Variants in PCDHGA10 observed in about 807,000 individuals in gnomAD.
PCDHGA10 encodes protocadherin gamma-A10.
PCDHGA10 carries 42 observed loss-of-function variants against 59.5 expected under a neutral mutation model. The observed-to-expected ratio is 0.71, with a 90% CI of 0.55 to 0.91. PCDHGA10 has a LOEUF of 0.91. Ranked by LOEUF, PCDHGA10 falls within the 40% of genes least tolerant of loss-of-function variation. The pLI is 0.00. For synonymous variants in PCDHGA10, 511 were observed against 517.2 expected (o/e 0.99, Z 0.16); for missense variants, 1,111 against 1,198.2 (o/e 0.93, Z 1.07).
chr5:141,447,481 A>G lies in PCDHGA10; in HGVS notation c.2436+31870A>G, dbSNP rs141192758. 3.9e-3 allele frequency among the ~76,000 whole-genome samples: 591 copies of G among 152,326 alleles called. 6 individuals carry two copies. The highest frequency in any genetic ancestry group is 0.011 in the Admixed American group (170 of 15,286). ...TTTTCTTCACCATCTGTAAAACTGC[A>G]TAGAAGGAATGTTTAGGATAAAAGA... On this transcript the variant is annotated intron_variant, in intron 1 of 3. Transcript: ENST00000398610.
intron 1 of PCDHGA10, among the ~76,000 whole-genome samples, chr5:141,447,677 A>G (rs748479750): frequency 6.6e-6 from 1 of 152,184 alleles, no homozygotes; most frequent in Non-Finnish European, 1.5e-5. Context: ...GAACTGTTCC[A>G]TATCTTGATA....
At chr5:141,424,016 T>G in intron 1 of PCDHGA10, 16 of 1,038,360 alleles carry the variant, frequency 1.5e-5, no homozygotes, top group Non-Finnish European at 1.3e-5. Context: ...AAATTAATGA[T>G]TCACAAACAC....
chr5:141,485,065 A>G lies in PCDHGA10; in HGVS notation c.2437-9742A>G, dbSNP rs527439590. On this transcript the variant is annotated intron_variant, in intron 1 of 3. Transcript: ENST00000398610. The surrounding 1 kb of genome is among the most constrained non-coding windows in gnomAD (Gnocchi z 5.7). ...TGCGGCGCCGGCCGAACCGCGCCAG[A>G]GCTGGCGCGGGGAAAGGGAGATAGG... The G allele has an allele frequency of 4.2e-5, 37 of 877,696 alleles. No individual in the cohort carries two copies. Among genetic ancestry groups the G allele is most frequent in the Non-Finnish European group, 6.5e-5 (36 of 552,826 alleles). The allele number at this position is 877,696 out of a possible 1,614,324, so 54.4% of individuals were successfully genotyped here. A position where few individuals can be genotyped will look rare whatever the true frequency, so the allele number is the denominator to read the frequency against.
chr5:141,418,773 A>G, intron 1 of PCDHGA10: 2 of 1,613,904 alleles, frequency 1.2e-6, no homozygotes, highest in Non-Finnish European at 1.7e-6. Flanking sequence ...CTAACTCAGC[A>G]GCCTTTGGAT....
At chr5:141,478,460 C>G (rs759992881) in intron 1 of PCDHGA10, 1 of 1,613,344 alleles carries the variant, frequency 6.2e-7, no homozygotes, top group East Asian at 2.2e-5. Flanking sequence ...AGCCAGTCCA[C>G]TGGCCAGCCG....
chr5:141,435,558 T>C (rs1401876733), intron 1 of PCDHGA10, among the ~76,000 whole-genome samples: 1 of 152,136 alleles, frequency 6.6e-6, no homozygotes, highest in Non-Finnish European at 1.5e-5. Flanking sequence ...TTTTGAGTGC[T>C]TTTTTTAGTA....
rs1562142740 is a variant in PCDHGA10, at chr5:141,490,958, ACT to A, written c.2437-3847_2437-3846del. 1 of 1,613,728 alleles carries A rather than the reference ACT, an allele frequency of 6.2e-7. No homozygotes were observed. Among genetic ancestry groups the A allele is most frequent in the Non-Finnish European group, 8.5e-7 (1 of 1,179,830 alleles). On this transcript the variant is annotated intron_variant, in intron 1 of 3. Transcript: ENST00000398610. The surrounding 1 kb of genome is among the most constrained non-coding windows in gnomAD (Gnocchi z 5.4). Reference sequence around the variant, plus strand: ...CTGCACCCACGGCCAGACTGGGAACACTCAGCCCCCCAGCGTCTCCCTCGCTC... The same window carrying A: ...CTGCACCCACGGCCAGACTGGGAACACAGCCCCCCAGCGTCTCCCTCGCTC...
At chr5:141,470,648 C>T (rs1188305813) in intron 1 of PCDHGA10, among the ~76,000 whole-genome samples, 1 of 152,066 alleles carries the variant, frequency 6.6e-6, no homozygotes, top group Non-Finnish European at 1.5e-5. Context: ...TTTGAAGGCC[C>T]CTACCCTTTG....
Position 141,414,557 on chromosome 5 carries a change from A to C in PCDHGA10, c.1382A>C (p.Tyr461Ser). 6.2e-7 allele frequency: 1 copy of C among 1,613,906 alleles called. No homozygotes were observed. ...CCACCTACCTTCTCTCAAGTCTCCT[A>C]CTTTACCTATATCCCAGAGAACAAC... ...DNPPTFSQVS[Y>S]FTYIPENNAR... The change falls in exon 1 of 4, where the codon TAC becomes TCC. Residue 461 changes from tyrosine (Y) to serine (S), a missense_variant. Coordinates refer to ENST00000398610, the MANE Select transcript of PCDHGA10 (RefSeq NM_018913.3).
At chr5:141,484,598 T>C (rs2099598059) in intron 1 of PCDHGA10, among the ~76,000 whole-genome samples, 1 of 152,080 alleles carries the variant, frequency 6.6e-6, no homozygotes, top group Non-Finnish European at 1.5e-5. Flanking sequence ...TCATTTAGAA[T>C]ACTGGTTGAT....
chr5:141,491,544 C>G lies in PCDHGA10; in HGVS notation c.2437-3263C>G, dbSNP rs546391464. The G allele has an allele frequency of 1.1e-5, 17 of 1,614,018 alleles. No individual in the cohort carries two copies. In the Admixed American group the frequency reaches 1.8e-4, roughly 17 times the overall value. Reference sequence around the variant, plus strand: ...TGGAGGTGACGCTGCGGCCCACAGACTCGCAGAGCCACTGCTACAGGACGT... The same window carrying G: ...TGGAGGTGACGCTGCGGCCCACAGAGTCGCAGAGCCACTGCTACAGGACGT... On this transcript the variant is annotated intron_variant, in intron 1 of 3. Transcript: ENST00000398610. The surrounding 1 kb of genome is among the most constrained non-coding windows in gnomAD (Gnocchi z 6.9).
intron 1 of PCDHGA10, chr5:141,428,180 C>G (rs780780274): frequency 1.3e-6 from 2 of 1,486,274 alleles, no homozygotes; most frequent in East Asian, 2.3e-5. Flanking sequence ...TGACGGAGGA[C>G]AGCCGCCGCT....
Position 141,415,510 on chromosome 5 carries a change from T to C in PCDHGA10, c.2335T>C (p.Tyr779His), listed in dbSNP as rs780820182. The change falls in exon 1 of 4, where the codon TAT becomes CAT. Residue 779 changes from tyrosine (Y) to histidine (H), a missense_variant. Coordinates refer to ENST00000398610, the MANE Select transcript of PCDHGA10 (RefSeq NM_018913.3). ...TCACCTGATCTTCCCCCAGCCCAAT[T>C]ATGCGGACACGCTCATCAGCCAGGA... Reference protein sequence around the residue: ...KSHLIFPQPNYADTLISQESC... With the variant: ...KSHLIFPQPNHADTLISQESC... The C allele has an allele frequency of 2.5e-6, 4 of 1,614,088 alleles. No homozygotes were observed. The African/African-American group carries it at 5.3e-5, about 22-fold the overall frequency.
chr5:141,413,227 G>T lies in PCDHGA10; in HGVS notation c.52G>T (p.Val18Phe), dbSNP rs552225139. ...SKESKDCSGLVLLCLFFGIPW... is the reference protein window; with the variant it reads ...SKESKDCSGLFLLCLFFGIPW... ...GGAATCAAAGGATTGCAGCGGGCTG[G>T]TCCTGCTCTGCCTTTTCTTCGGGAT... Residue 18 changes from valine (V) to phenylalanine (F), a missense_variant, in exon 1 of 4, where the codon GTC (valine) becomes TTC (phenylalanine). Val to Phe is a conservative substitution (Grantham distance 50). Coordinates refer to ENST00000398610, the MANE Select transcript of PCDHGA10 (RefSeq NM_018913.3). 2 of 1,613,938 alleles carry T rather than the reference G, an allele frequency of 1.2e-6. No homozygotes were observed. The highest frequency in any genetic ancestry group is 2.2e-5 in the South Asian group (2 of 91,084).
intron 1 of PCDHGA10, among the ~76,000 whole-genome samples, chr5:141,438,564 T>A (rs1192918137): frequency 1.5e-5 from 2 of 137,114 alleles, no homozygotes; most frequent in Non-Finnish European, 3.1e-5. Flanking sequence ...AAGAGGCAGC[T>A]GTCTGATATA....
intron 1 of PCDHGA10, chr5:141,420,535 T>C (rs1322301404): frequency 6.2e-6 from 2 of 321,930 alleles, no homozygotes; most frequent in African/African-American, 4.3e-5. Flanking sequence ...CGGTTAAAAA[T>C]ATAAAATACA....
Position 141,413,864 on chromosome 5 carries a change from T to C in PCDHGA10, c.689T>C (p.Val230Ala). 3 of 1,613,398 alleles carry C rather than the reference T, an allele frequency of 1.9e-6. No homozygotes were observed. The Admixed American group carries it at 5.0e-5, about 27-fold the overall frequency. ...DGGDPLRSGTVLVSVTVFDAN... is the reference protein window; with the variant it reads ...DGGDPLRSGTALVSVTVFDAN... ...GGTGACCCTCTCCGATCTGGCACTG[T>C]CCTTGTCAGTGTGACTGTCTTCGAT... Residue 230 changes from valine to alanine, a missense_variant, in exon 1 of 4, where the codon GTC becomes GCC. By Grantham distance (64) the Val-to-Ala change is moderately conservative. Transcript: ENST00000398610.
At chr5:141,434,223 A>G (rs1164673241) in intron 1 of PCDHGA10, among the ~76,000 whole-genome samples, 1 of 152,214 alleles carries the variant, frequency 6.6e-6, no homozygotes, top group Non-Finnish European at 1.5e-5. Context: ...TAAACAAAGT[A>G]CGATTTCTGG....
At chr5:141,502,534 C>T (rs565889110) in intron 2 of PCDHGA10, among the ~76,000 whole-genome samples, 10 of 152,074 alleles carry the variant, frequency 6.6e-5, no homozygotes, top group Non-Finnish European at 1.0e-4. Context: ...CGAGTTTGTT[C>T]GTGTGGTAAA....
Sources: gnomAD v4.1 joint callset for allele counts (sites outside exome capture counted in the v4.1 genomes callset) on GRCh38, gnomAD v4.1.1 for gene constraint, Gnocchi (gnomAD v3.1) non-coding constraint, MANE v1.5 for transcripts, NCBI Gene and HGNC (gene_info 2026-07-23, HGNC 2026-07-21) for gene names.